The following SAMD12 variants were observed in gnomAD, a reference collection of about 807,000 sequenced individuals.
The protein encoded by SAMD12 is sterile alpha motif domain-containing protein 12.
A neutral mutation model predicts 15.0 loss-of-function variants in SAMD12; 9 were observed. The observed-to-expected ratio is 0.60, with a 90% CI of 0.36 to 1.05. The LOEUF is 1.05. Among genes scored for constraint, SAMD12 ranks in the 50% least tolerant of loss-of-function variants. SAMD12 has a pLI of 0.01. For missense variants in SAMD12, 230 were observed against 234.2 expected (o/e 0.98, Z 0.12); for synonymous variants, 86 against 90.1 (o/e 0.96, Z 0.25).
At chr8:118,176,291 ACT>A in the SAMD12 span, among the ~76,000 whole-genome samples, 5 of 152,092 alleles carry the variant, frequency 3.3e-5, no homozygotes, top group Non-Finnish European at 7.4e-5. Context: ...ACACAGCAAA[ACT>A]CTGTCTAAAA....
chr8:118,266,407 C>T (rs994884560), intron 4 of SAMD12, among the ~76,000 whole-genome samples: 1 of 152,102 alleles, frequency 6.6e-6, no homozygotes, highest in Non-Finnish European at 1.5e-5. Context: ...TAAATTAGTA[C>T]AACCAGTATG....
intron 2 of SAMD12, among the ~76,000 whole-genome samples, chr8:118,449,971 C>T (rs527432268): frequency 6.6e-6 from 1 of 152,188 alleles, no homozygotes; most frequent in East Asian, 1.9e-4. Flanking sequence ...GTGGTAAGTC[C>T]TGTCATTTAT....
At chr8:118,596,842 T>A (rs1827735784) in intron 1 of SAMD12, among the ~76,000 whole-genome samples, 1 of 152,262 alleles carries the variant, frequency 6.6e-6, no homozygotes, top group East Asian at 1.9e-4. Context: ...AAGACAGATA[T>A]CACACAAATA....
chr8:118,531,554 C>T lies in SAMD12; in HGVS notation c.192+49161G>A, dbSNP rs529452027. 9.2e-5 allele frequency among the ~76,000 whole-genome samples: 14 copies of T among 152,274 alleles called. No homozygotes were observed. The South Asian group carries it at 2.9e-3, about 32-fold the overall frequency. ...TTTTCACGATATTGATTCTTCCTAA[C>T]CATGAGCATGGAATGTTCTTCCATT... On this transcript the variant is annotated intron_variant, in intron 2 of 3. Coordinates refer to ENST00000314727, the MANE Select transcript of SAMD12 (RefSeq NM_207506.3).
At chr8:118,608,969 A>C (rs1173109523) in intron 1 of SAMD12, among the ~76,000 whole-genome samples, 1 of 152,260 alleles carries the variant, frequency 6.6e-6, no homozygotes, top group African/African-American at 2.4e-5. Context: ...TGATATAAAC[A>C]GGAGTTATAT....
chr8:118,216,753 T>G (rs1811970889), intron 4 of SAMD12, among the ~76,000 whole-genome samples: 1 of 152,240 alleles, frequency 6.6e-6, no homozygotes, highest in African/African-American at 2.4e-5. Context: ...TGATAGATTT[T>G]GGAAATCTAG....
chr8:118,387,630 C>T (rs1820037429), intron 3 of SAMD12, among the ~76,000 whole-genome samples: 3 of 152,104 alleles, frequency 2.0e-5, no homozygotes, highest in Non-Finnish European at 4.4e-5. Flanking sequence ...GGCCTTATAC[C>T]TAATAACCTG....
chr8:118,172,763 G>C, the SAMD12 span, among the ~76,000 whole-genome samples: 1 of 151,758 alleles, frequency 6.6e-6, no homozygotes, highest in Non-Finnish European at 1.5e-5. Flanking sequence ...TTTGTGATAA[G>C]AGCACCTGAG....
intron 2 of SAMD12, among the ~76,000 whole-genome samples, chr8:118,489,211 T>G (rs1824369237): frequency 6.6e-6 from 1 of 152,200 alleles, no homozygotes; most frequent in African/African-American, 2.4e-5. Flanking sequence ...TCTCACTGAT[T>G]TACAGAACTT....
chr8:118,330,870 C>T (rs1241139511), intron 4 of SAMD12, among the ~76,000 whole-genome samples: 1 of 152,018 alleles, frequency 6.6e-6, no homozygotes, highest in Non-Finnish European at 1.5e-5. Context: ...ACAATGTTCA[C>T]TATTTGGGGG....
intron 4 of SAMD12, among the ~76,000 whole-genome samples, chr8:118,359,003 C>CTGTGTG (rs35454734): frequency 1.7e-4 from 25 of 149,364 alleles, no homozygotes; most frequent in African/African-American, 5.4e-4. Flanking sequence ...TGGCATTAAA[C>CTGTGTG]TGTGTGTGTG....
intron 2 of SAMD12, among the ~76,000 whole-genome samples, chr8:118,508,143 G>T (rs1824974745): frequency 6.6e-6 from 1 of 151,116 alleles, no homozygotes; most frequent in African/African-American, 2.4e-5. Flanking sequence ...ACAGGTGTGA[G>T]CCACTGTGCC....
chr8:118,267,639 T>A (rs1813236642), intron 4 of SAMD12, among the ~76,000 whole-genome samples: 1 of 152,170 alleles, frequency 6.6e-6, no homozygotes, highest in South Asian at 2.1e-4. Context: ...TTCCATCTTA[T>A]TTTTATTAAT....
chr8:118,181,721 C>T, the SAMD12 span, among the ~76,000 whole-genome samples: 1 of 152,208 alleles, frequency 6.6e-6, no homozygotes, highest in Non-Finnish European at 1.5e-5. Flanking sequence ...ATAAATCTTT[C>T]TCTTTCTGTC....
chr8:118,165,603 CATATATATATGTATATATATATATATAT>C, the SAMD12 span, among the ~76,000 whole-genome samples: 1 of 76,238 alleles, frequency 1.3e-5, no homozygotes, highest in Non-Finnish European at 2.2e-5. Context: ...TACATATATA[CATATATATATGTATATATATATATATAT>C]ATATACATAT....
At chr8:118,287,834 G>A (rs971100178) in intron 4 of SAMD12, among the ~76,000 whole-genome samples, 2 of 152,112 alleles carry the variant, frequency 1.3e-5, no homozygotes, top group African/African-American at 4.8e-5. Flanking sequence ...AGGCTCTTGA[G>A]AGCCTGCTGG....
chr8:118,220,562 T>C (rs1812061225), intron 4 of SAMD12, among the ~76,000 whole-genome samples: 1 of 152,182 alleles, frequency 6.6e-6, no homozygotes, highest in African/African-American at 2.4e-5. Context: ...TATCATGTTA[T>C]AAAATCAGTT....
chr8:118,314,650 C>A (rs1452481002), intron 4 of SAMD12, among the ~76,000 whole-genome samples: 2 of 152,136 alleles, frequency 1.3e-5, no homozygotes, highest in Admixed American at 6.5e-5. Flanking sequence ...GAGTATATAA[C>A]CTTTTGAAAT....
intron 2 of SAMD12, among the ~76,000 whole-genome samples, chr8:118,489,997 C>T (rs1440031163): frequency 6.6e-6 from 1 of 152,102 alleles, no homozygotes; most frequent in Non-Finnish European, 1.5e-5. Context: ...AGGAATGTTC[C>T]TCTTTACATA....
Sources: gnomAD v4.1 joint callset for allele counts (sites outside exome capture counted in the v4.1 genomes callset) on GRCh38, gnomAD v4.1.1 for gene constraint, MANE v1.5 for transcripts, NCBI Gene and HGNC (gene_info 2026-07-23, HGNC 2026-07-21) for gene names.